ZNF582: variants seen among roughly 807,000 people sequenced by gnomAD.
ZNF582 encodes the protein zinc finger protein 582.
Under a neutral mutation model 12.3 loss-of-function variants are expected in ZNF582, and 14 were observed. The observed-to-expected ratio is 1.14, with a 90% CI of 0.75 to 1.78. The LOEUF (loss-of-function observed/expected upper bound fraction) is 1.78. ZNF582 is among the 40% of genes most tolerant of loss of function. The pLI, the probability that ZNF582 is intolerant of heterozygous loss-of-function variation, is 0.00. For synonymous variants in ZNF582, 210 were observed against 207.2 expected (o/e 1.01, Z -0.11); for missense variants, 567 against 616.5 (o/e 0.92, Z 0.85).
chr19:56,386,355 T>C (rs1371657147), intron 4 of ZNF582: 3 of 152,266 alleles, frequency 2.0e-5, no homozygotes, highest in African/African-American at 4.8e-5. Flanking sequence ...TGAAGTTTAG[T>C]TGAACGCCAT....
chr19:56,390,596 T>A (rs2147517620), intron 2 of ZNF582, 95 bp from the exon 3 acceptor site: 1 of 1,412,718 alleles, frequency 7.1e-7, no homozygotes, highest in East Asian at 2.3e-5. Context: ...GGGGGGTTGT[T>A]TTGTTGAACA....
chr19:56,391,013 C>T (rs148025514), intron 2 of ZNF582, among the ~76,000 whole-genome samples: 7 of 152,268 alleles, frequency 4.6e-5, no homozygotes, highest in African/African-American at 1.7e-4. Context: ...TGGAACATAA[C>T]ACAAGCATTT....
exon 5 of ZNF582, chr19:56,383,578 T>C (rs1002378318): frequency 3.8e-6 from 1 of 265,832 alleles, no homozygotes; most frequent in African/African-American, 2.2e-5. Flanking sequence ...ATAATCTGGC[T>C]GTTTTTTTAA....
intron 4 of ZNF582, among the ~76,000 whole-genome samples, chr19:56,385,470 G>A (rs1233834155): frequency 6.6e-6 from 1 of 152,178 alleles, no homozygotes; most frequent in Non-Finnish European, 1.5e-5. Flanking sequence ...AGAATCACTT[G>A]AGGCCAGGAG....
In ZNF582 at chr19:56,383,557, T is replaced by A. The variant is rs141915541; in HGVS notation, c.*306A>T. ...TTATGGTAATTGCATGATTTCTTTG[T>A]TAAGCAAATGATAATCTGGCTGTTT... is the stretch of plus-strand genomic sequence containing the variant. On this transcript the variant is annotated 3_prime_UTR_variant, in exon 5 of 5. Transcript: ENST00000586929. 3.3e-4 allele frequency: 73 copies of A among 221,752 alleles called. 1 individual carries two copies. The East Asian group carries it at 6.1e-3, about 19-fold the overall frequency. The allele number at this position is 221,752 out of a possible 1,614,324, so 13.7% of individuals were successfully genotyped here. A position where few individuals can be genotyped will look rare whatever the true frequency, so the allele number is the denominator to read the frequency against.
intron 3 of ZNF582, 86 bp downstream of exon 3, chr19:56,390,289 T>C (rs1261626046): frequency 1.9e-6 from 3 of 1,592,396 alleles, no homozygotes; most frequent in Non-Finnish European, 2.6e-6. Context: ...GACCAACCAA[T>C]CATAAGACTG....
At chr19:56,384,285 C>T in exon 5 of ZNF582, 2 of 1,613,998 alleles carry the variant, frequency 1.2e-6, no homozygotes, top group African/African-American at 2.7e-5. Flanking sequence ...TGTGAGCTCA[C>T]TCTAAAGGCC....
exon 1 of ZNF582, chr19:56,393,367 G>A (rs879665297): frequency 1.7e-5 from 15 of 887,418 alleles, no homozygotes; most frequent in Non-Finnish European, 2.2e-5. Context: ...TTCTTCTCAG[G>A]CCTGAGACCC....
intron 1 of ZNF582, among the ~76,000 whole-genome samples, 167 bp from the exon 2 acceptor site, chr19:56,391,999 A>G (rs571119839): frequency 3.6e-4 from 55 of 152,150 alleles, no homozygotes; most frequent in African/African-American, 1.2e-3. Flanking sequence ...TAGCTGCTGC[A>G]AGGCAAAGGG....
chr19:56,390,607 A>G (rs1438253573), intron 2 of ZNF582, 106 bp from the exon 3 acceptor site: 2 of 1,244,418 alleles, frequency 1.6e-6, no homozygotes, highest in Non-Finnish European at 1.1e-6. Context: ...TTGTTGAACA[A>G]GAAGGGTGGG....
At position 56,385,289 on chromosome 19, in the gene ZNF582, AT is replaced by A. The variant is rs1194659625; in HGVS notation, c.233-106del. 6 of 1,174,366 alleles carry A rather than the reference AT, an allele frequency of 5.1e-6. No homozygotes were observed. In the African/African-American group the frequency reaches 7.7e-5, roughly 15 times the overall value. 72.7% of individuals were successfully genotyped at this position (1,174,366 alleles called of 1,614,324 possible). ...AGACTCAATGCCTATTAACTCTTGA[AT>A]GTAGCTAAGCAATTATAAAATGGAC... On this transcript the variant is annotated intron_variant, in intron 4 of 4. Transcript: ENST00000586929.
exon 5 of ZNF582, chr19:56,383,607 C>G (rs2041936309): frequency 3.0e-6 from 1 of 330,006 alleles, no homozygotes. Context: ...AAAACTATAA[C>G]TTTTGCTCTT....
In ZNF582 at chr19:56,389,443, C is replaced by T. The variant is rs963399043; in HGVS notation, c.232+558G>A. Among the ~76,000 whole-genome samples, 24 of 152,222 alleles carry T rather than the reference C, an allele frequency of 1.6e-4. 1 individual carries two copies. In the East Asian group the frequency reaches 4.5e-3, roughly 28 times the overall value. ...CACAGGAACGGAAAACCAAATACTG[C>T]ATGTTCTCACTTATAAGTGGGAGCT... is the stretch of plus-strand genomic sequence containing the variant. On this transcript the variant is annotated intron_variant, in intron 4 of 4. Transcript: ENST00000586929.
exon 3 of ZNF582, chr19:56,390,486 T>C (rs553203813): frequency 6.2e-6 from 10 of 1,613,906 alleles, no homozygotes; most frequent in Admixed American, 1.7e-5. Flanking sequence ...GCCACATCCC[T>C]GAACAATTCT....
intron 4 of ZNF582, among the ~76,000 whole-genome samples, chr19:56,386,073 T>C (rs1326809541): frequency 6.6e-6 from 1 of 152,230 alleles, no homozygotes; most frequent in Non-Finnish European, 1.5e-5. Flanking sequence ...ACTACTGAAC[T>C]GTACACTTGA....
At chr19:56,383,512 T>A (rs1478245905) in exon 5 of ZNF582, 1 of 170,910 alleles carries the variant, frequency 5.9e-6, no homozygotes, top group African/African-American at 2.4e-5. Flanking sequence ...AAACTCTCAA[T>A]TCATTCTTTT....
chr19:56,388,449 C>G (rs370843720), intron 4 of ZNF582: 1 of 152,128 alleles, frequency 6.6e-6, no homozygotes. Flanking sequence ...TTAATCATAT[C>G]TGATCCAAGA....
At chr19:56,382,930 A>G (rs1025110428) in exon 5 of ZNF582, 2 of 152,212 alleles carry the variant, frequency 1.3e-5, no homozygotes, top group East Asian at 3.9e-4. Flanking sequence ...TTATATAAAA[A>G]TGTTTAAAAG....
At chr19:56,385,861 C>T (rs2041962169) in intron 4 of ZNF582, among the ~76,000 whole-genome samples, 1 of 152,118 alleles carries the variant, frequency 6.6e-6, no homozygotes, top group African/African-American at 2.4e-5. Context: ...GAAATGTTCG[C>T]TATCTTGATT....
Sources: gnomAD v4.1 joint callset for allele counts (sites outside exome capture counted in the v4.1 genomes callset) on GRCh38, gnomAD v4.1.1 for gene constraint, MANE v1.5 for transcripts, NCBI Gene and HGNC (gene_info 2026-07-23, HGNC 2026-07-21) for gene names.